Variants in VIT observed in about 807,000 individuals in gnomAD.
VIT encodes vitrin.
Under a neutral mutation model 78.0 loss-of-function variants are expected in VIT, and 99 were observed. That is an observed-to-expected ratio of 1.27 (90% CI 1.08 to 1.50). The LOEUF is 1.50. Among genes scored for constraint, VIT ranks in the 40% most tolerant of loss-of-function variants. VIT has a pLI of 0.00. For synonymous variants in VIT, 374 were observed against 334.3 expected (o/e 1.12, Z -1.29); for missense variants, 1,126 against 875.3 (o/e 1.29, Z -3.61).
intron 3 of VIT, among the ~76,000 whole-genome samples, chr2:36,742,332 G>C (rs1226348149): frequency 6.6e-6 from 1 of 152,156 alleles, no homozygotes; most frequent in Non-Finnish European, 1.5e-5. Context: ...AGTAGCAATA[G>C]CAAAGCCAAA....
Position 36,814,784 on chromosome 2 carries a change from A to T in VIT, c.*423A>T, listed in dbSNP as rs182042100. The T allele has an allele frequency of 1.2e-3, 191 of 159,470 alleles. 2 individuals are homozygous for T. Among genetic ancestry groups the T allele is most frequent in the South Asian group, 8.8e-3 (46 of 5,224 alleles). 9.9% of individuals were successfully genotyped at this position (159,470 alleles called of 1,614,324 possible). ...ATTGCTGAATTAAATGTTTAGAAGG[A>T]TGACATGCAATGTTTCTGACTGTGT... On this transcript the variant is annotated 3_prime_UTR_variant, in exon 16 of 16. Transcript: ENST00000379242.
intron 6 of VIT, among the ~76,000 whole-genome samples, chr2:36,763,583 C>CTTTTTTT (rs70946947): frequency 3.3e-5 from 2 of 60,434 alleles, no homozygotes; most frequent in African/African-American, 6.6e-5. Flanking sequence ...TCTATCTTCC[C>CTTTTTTT]TTTTTTTTTT....
chr2:36,711,651 A>G, intron 1 of VIT, among the ~76,000 whole-genome samples: 1 of 152,234 alleles, frequency 6.6e-6, no homozygotes, highest in East Asian at 1.9e-4. Context: ...CCCACTACCA[A>G]ACACTATTCC....
At chr2:36,762,517 G>T (rs773296986) in intron 6 of VIT, among the ~76,000 whole-genome samples, 4 of 152,182 alleles carry the variant, frequency 2.6e-5, no homozygotes, top group Non-Finnish European at 5.9e-5. Flanking sequence ...GCCTCTCTCT[G>T]TAAAGTCTTA....
rs144553922 is a variant in VIT at position 36,752,087 on chromosome 2, T to G, written c.276-2834T>G. Among the ~76,000 whole-genome samples, 123 of 152,290 alleles carry G rather than the reference T, an allele frequency of 8.1e-4. 1 individual carries two copies. The highest frequency in any genetic ancestry group is 2.9e-3 in the African/African-American group (120 of 41,564). ...CTCAGATTAATTTGTACTAAAGGGTTTAATGTTCATATTCTATATCATGAT... is the reference window on the plus strand; with the variant it reads ...CTCAGATTAATTTGTACTAAAGGGTGTAATGTTCATATTCTATATCATGAT... On this transcript the variant is annotated intron_variant, in intron 4 of 15. Transcript: ENST00000379242.
intron 11 of VIT, among the ~76,000 whole-genome samples, chr2:36,785,866 C>A (rs1665059405): frequency 6.6e-6 from 1 of 152,228 alleles, no homozygotes. Flanking sequence ...TAGCACTCAG[C>A]AATAAATATT....
intron 12 of VIT, among the ~76,000 whole-genome samples, chr2:36,794,165 A>C (rs957092132): frequency 2.6e-5 from 4 of 152,166 alleles, no homozygotes; most frequent in African/African-American, 9.7e-5. Flanking sequence ...TTACTGTTAC[A>C]CAAATTCCTT....
At chr2:36,699,587 TAG>T (rs1491444708) in intron 1 of VIT, among the ~76,000 whole-genome samples, 53,363 of 136,214 alleles carry the variant, frequency 0.39, 11,215 homozygotes, top group East Asian at 0.54. Flanking sequence ...GAGGAGATTA[TAG>T]ATATAGATAT....
intron 12 of VIT, among the ~76,000 whole-genome samples, chr2:36,798,981 T>A (rs1351981991): frequency 6.6e-6 from 1 of 152,186 alleles, no homozygotes; most frequent in Non-Finnish European, 1.5e-5. Context: ...ATTGCTGTGT[T>A]GTTGTTTGTT....
chr2:36,766,567 G>A (rs774195796), intron 6 of VIT, among the ~76,000 whole-genome samples: 11 of 152,044 alleles, frequency 7.2e-5, no homozygotes, highest in Non-Finnish European at 1.3e-4. Flanking sequence ...GATCATCCTT[G>A]CCATCCAGGT....
intron 4 of VIT, among the ~76,000 whole-genome samples, chr2:36,744,264 G>A (rs770958152): frequency 9.2e-5 from 14 of 152,072 alleles, no homozygotes; most frequent in Admixed American, 2.6e-4. Context: ...GTGCTGCAAC[G>A]AACATACTGG....
intron 1 of VIT, among the ~76,000 whole-genome samples, chr2:36,705,720 T>G (rs1055032558): frequency 2.6e-5 from 4 of 152,184 alleles, no homozygotes; most frequent in Non-Finnish European, 1.5e-5. Context: ...ATCACAAAAG[T>G]ACATAGAATA....
chr2:36,802,578 C>G (rs1345952196), intron 13 of VIT, among the ~76,000 whole-genome samples: 1 of 152,220 alleles, frequency 6.6e-6, no homozygotes, highest in East Asian at 1.9e-4. Context: ...CCAAGTCACT[C>G]TCCATGCCCC....
At chr2:36,787,997 A>G in intron 12 of VIT, 1 of 319,260 alleles carries the variant, frequency 3.1e-6, no homozygotes, top group Non-Finnish European at 6.2e-6. Flanking sequence ...TCAGATATGA[A>G]TAGGTTTCTC....
chr2:36,772,712 A>G (rs1402019594), intron 7 of VIT, among the ~76,000 whole-genome samples: 2 of 152,242 alleles, frequency 1.3e-5, no homozygotes, highest in Non-Finnish European at 2.9e-5. Context: ...GACTGAAAAC[A>G]AAAAATAAAC....
rs376296598 is a variant in VIT at position 36,768,978 on chromosome 2, G to C, written c.679+1693G>C. Among the ~76,000 whole-genome samples, 392 of 152,234 alleles carry C rather than the reference G, an allele frequency of 2.6e-3. 2 individuals are homozygous for C. Among genetic ancestry groups the C allele is most frequent in the African/African-American group, 8.9e-3 (370 of 41,542 alleles). On this transcript the variant is annotated intron_variant, in intron 7 of 15. Coordinates refer to ENST00000379242, the MANE Select transcript of VIT (RefSeq NM_053276.4). ...TCCCAGAATAAGAATACCGCAAAAA[G>C]AATTTTTGGTGTTCTGAAATACATC... is the stretch of plus-strand genomic sequence containing the variant.
chr2:36,788,307 T>C (rs1443271126), intron 12 of VIT, among the ~76,000 whole-genome samples: 1 of 152,262 alleles, frequency 6.6e-6, no homozygotes, highest in African/African-American at 2.4e-5. Context: ...TCAGAGGTTT[T>C]ATTTTAACAA....
intron 2 of VIT, among the ~76,000 whole-genome samples, chr2:36,720,134 A>G (rs574862438): frequency 2.6e-5 from 4 of 152,222 alleles, no homozygotes; most frequent in East Asian, 1.9e-4. Context: ...AGAAATTTGG[A>G]AAAAAAATTC....
chr2:36,785,028 G>A (rs577516342), intron 11 of VIT, among the ~76,000 whole-genome samples: 2 of 152,290 alleles, frequency 1.3e-5, no homozygotes, highest in South Asian at 4.1e-4. Context: ...AACAATTCCA[G>A]ATGTAAGAAA....
Sources: allele counts gnomAD v4.1 joint callset (sites outside exome capture counted in the v4.1 genomes callset), GRCh38; gene constraint gnomAD v4.1.1; transcripts MANE v1.5; gene names NCBI Gene and HGNC (gene_info 2026-07-23, HGNC 2026-07-21).